The following PPP2R3C variants were observed in gnomAD, a reference collection of about 807,000 sequenced individuals.
PPP2R3C encodes serine/threonine-protein phosphatase 2A regulatory subunit B'' subunit gamma.
A neutral mutation model predicts 63.7 loss-of-function variants in PPP2R3C; 47 were observed. The observed-to-expected ratio is 0.74, with a 90% CI of 0.58 to 0.94. PPP2R3C has a LOEUF of 0.94. Ranked by LOEUF, PPP2R3C falls within the 40% of genes least tolerant of loss-of-function variation. PPP2R3C has a pLI of 0.00. For missense variants in PPP2R3C, 421 were observed against 518.4 expected, an observed-to-expected ratio of 0.81 and a Z score of 1.82; for synonymous variants, 180 against 177.4, an observed-to-expected ratio of 1.01 and a Z score of -0.12.
At position 35,090,979 on chromosome 14, in the gene PPP2R3C, T is replaced by C. The variant is rs2045794479; in HGVS notation, c.1113+91A>G. 3 of 1,250,612 alleles carry C rather than the reference T, an allele frequency of 2.4e-6. No homozygotes were observed. In the East Asian group the frequency reaches 7.7e-5, roughly 32 times the overall value. The allele number at this position is 1,250,612 out of a possible 1,614,324, so 77.5% of individuals were successfully genotyped here. ...ATCCACCTGCCTCGGCCTCCCAAAG[T>C]GCTGGGATTACAGGCGTGAGCCACT... On this transcript the variant is annotated intron_variant, in intron 11 of 12. Coordinates refer to ENST00000261475, the MANE Select transcript of PPP2R3C (RefSeq NM_017917.4).
At chr14:35,094,484 A>T (rs973656193) in intron 10 of PPP2R3C, among the ~76,000 whole-genome samples, 2 of 149,204 alleles carry the variant, frequency 1.3e-5, no homozygotes, top group African/African-American at 2.4e-5. Context: ...TTTTTTTTAA[A>T]AAAAAAAAAA....
At chr14:35,098,961 G>GT (rs1481690955) in intron 7 of PPP2R3C, 5 of 207,540 alleles carry the variant, frequency 2.4e-5, no homozygotes, top group Middle Eastern at 1.7e-3. Context: ...CTGGAAGGAG[G>GT]TATTTATGAC....
In PPP2R3C at chr14:35,092,624, G is replaced by A. The variant is rs372858677; in HGVS notation, c.976-1417C>T. On this transcript the variant is annotated intron_variant, in intron 10 of 12. Transcript: ENST00000261475. ...TGGGATTACAGGCATGCACCACCAC[G>A]CCTGGCTAATTTTGTATTTTTAGTA... 1.2e-4 allele frequency among the ~76,000 whole-genome samples: 18 copies of A among 151,854 alleles called. No homozygotes were observed. In the East Asian group the frequency reaches 2.7e-3, roughly 23 times the overall value.
chr14:35,099,083 A>G (rs957866524), intron 7 of PPP2R3C, 169 bp downstream of exon 7: 8 of 879,220 alleles, frequency 9.1e-6, no homozygotes, highest in Admixed American at 3.8e-5. Context: ...AAACATAACC[A>G]AAGTACTGCT....
chr14:35,106,000 G>A (rs1330914701), intron 6 of PPP2R3C, among the ~76,000 whole-genome samples: 2 of 151,862 alleles, frequency 1.3e-5, no homozygotes, highest in East Asian at 1.9e-4. Flanking sequence ...CTGCCACCAC[G>A]CCCGGCTAAT....
Position 35,110,518 on chromosome 14 carries a change from T to C in PPP2R3C, c.291+7A>G. 2 of 1,580,126 alleles carry C rather than the reference T, an allele frequency of 1.3e-6. No individual in the cohort carries two copies. The highest frequency in any genetic ancestry group is 1.7e-6 in the Non-Finnish European group (2 of 1,155,600). ...ACATCTAAAGCAACTTTTTGCTTTG[T>C]TCTTACCTGTAATTCTTCATTATCT... is the stretch of plus-strand genomic sequence containing the variant. On this transcript the variant is annotated splice_region_variant and intron_variant, in intron 3 of 12. Coordinates refer to ENST00000261475, the MANE Select transcript of PPP2R3C (RefSeq NM_017917.4).
intron 1 of PPP2R3C, among the ~76,000 whole-genome samples, chr14:35,119,740 A>G (rs937976940): frequency 6.6e-6 from 1 of 150,734 alleles, no homozygotes; most frequent in Non-Finnish European, 1.5e-5. Flanking sequence ...AAATCTGATG[A>G]TGTAGGAAAG....
chr14:35,120,211 T>C (rs1246847806), intron 1 of PPP2R3C, among the ~76,000 whole-genome samples: 1 of 150,666 alleles, frequency 6.6e-6, no homozygotes, highest in Non-Finnish European at 1.5e-5. Context: ...CTGAAAGAAA[T>C]GTTAAGGGGG....
intron 1 of PPP2R3C, among the ~76,000 whole-genome samples, chr14:35,121,319 G>C (rs190458180): frequency 2.0e-5 from 3 of 152,200 alleles, no homozygotes; most frequent in African/African-American, 7.2e-5. Context: ...AGAGGTTGCA[G>C]TGAGCGGAGA....
intron 1 of PPP2R3C, among the ~76,000 whole-genome samples, chr14:35,119,640 C>T (rs1419115085): frequency 1.3e-5 from 2 of 151,952 alleles, no homozygotes; most frequent in Non-Finnish European, 1.5e-5. Context: ...CCGAGCCTCC[C>T]AACACCACTA....
intron 12 of PPP2R3C, 90 bp from the exon 13 acceptor site, chr14:35,085,868 T>C (rs1435776190): frequency 9.6e-7 from 1 of 1,044,066 alleles, no homozygotes; most frequent in East Asian, 2.6e-5. Context: ...TTGCATCCAC[T>C]GAAGTACAGA....
Position 35,091,225 on chromosome 14 carries a change from A to G in PPP2R3C, c.976-18T>C. 2 of 1,587,066 alleles carry G rather than the reference A, an allele frequency of 1.3e-6. No homozygotes were observed. The highest frequency in any genetic ancestry group is 1.7e-6 in the Non-Finnish European group (2 of 1,169,404). The stretch of plus-strand genomic sequence containing the variant: ...TTATAGTCCTACAGAACAGAAAATA[A>G]TGTTCATTAGAGGCCTTAGTTGAAA... On this transcript the variant is annotated intron_variant, in intron 10 of 12. Coordinates refer to ENST00000261475, the MANE Select transcript of PPP2R3C (RefSeq NM_017917.4).
At position 35,109,810 on chromosome 14, in the gene PPP2R3C, T is replaced by C. The variant is rs1180577929; in HGVS notation, c.404+9A>G. The C allele has an allele frequency of 3.9e-6, 6 of 1,540,274 alleles. No individual in the cohort carries two copies. The highest frequency in any genetic ancestry group is 5.4e-6 in the Non-Finnish European group (6 of 1,117,288). ...TAACACATTCTTTTGTTAATTATAT[T>C]ATTCTTACTTGCACTTTGCTCCAGC... On this transcript the variant is annotated intron_variant, in intron 4 of 12. Transcript: ENST00000261475.
At chr14:35,115,684 C>T (rs1194619793) in intron 2 of PPP2R3C, among the ~76,000 whole-genome samples, 8 of 151,950 alleles carry the variant, frequency 5.3e-5, no homozygotes, top group Non-Finnish European at 7.4e-5. Flanking sequence ...TGCAGTGGCG[C>T]GATCTGGGCT....
intron 10 of PPP2R3C, 75 bp downstream of exon 10, chr14:35,094,973 T>TAC: frequency 6.8e-7 from 1 of 1,478,190 alleles, no homozygotes. Flanking sequence ...AGGGCTGTAT[T>TAC]ACATCAAGAA....
intron 7 of PPP2R3C, among the ~76,000 whole-genome samples, chr14:35,098,386 CTT>C (rs969788451): frequency 2.3e-5 from 3 of 132,382 alleles, no homozygotes; most frequent in East Asian, 2.4e-4. Context: ...GAATTTCCCT[CTT>C]GTTGCCCAGG....
chr14:35,113,885 T>G (rs1241567971), intron 2 of PPP2R3C, among the ~76,000 whole-genome samples: 1 of 152,004 alleles, frequency 6.6e-6, no homozygotes, highest in Non-Finnish European at 1.5e-5. Context: ...TAATATCAAT[T>G]CCTGATTTTT....
intron 6 of PPP2R3C, chr14:35,102,186 G>C (rs1359215360): frequency 6.6e-6 from 1 of 152,100 alleles, no homozygotes; most frequent in Non-Finnish European, 1.5e-5. Flanking sequence ...ACCACGCCTG[G>C]CTAATTTTTG....
chr14:35,096,834 A>T (rs75741665), intron 7 of PPP2R3C, 70 bp from the exon 8 acceptor site: 200,191 of 1,362,762 alleles, frequency 0.15, 16,238 homozygotes, highest in Non-Finnish European at 0.16. Flanking sequence ...TTAAAAAAAA[A>T]TTTTTTTAAC....
Sources: allele counts gnomAD v4.1 joint callset (sites outside exome capture counted in the v4.1 genomes callset), GRCh38; gene constraint gnomAD v4.1.1; transcripts MANE v1.5; gene names NCBI Gene and HGNC (gene_info 2026-07-23, HGNC 2026-07-21).